The following SEMA6D variants were observed in gnomAD, a reference collection of about 807,000 sequenced individuals.
SEMA6D encodes the protein semaphorin-6D.
Under a neutral mutation model 106.6 loss-of-function variants are expected in SEMA6D, and 35 were observed. The observed-to-expected ratio is 0.33, with a 90% CI of 0.25 to 0.44. The LOEUF is 0.44. Among genes scored for constraint, SEMA6D ranks in the 20% least tolerant of loss-of-function variants. SEMA6D has a pLI of 1.00. For synonymous variants in SEMA6D, 499 were observed against 487.7 expected, an observed-to-expected ratio of 1.02 and a Z score of -0.31; for missense variants, 1,185 against 1,345.9, an observed-to-expected ratio of 0.88 and a Z score of 1.87.
At chr15:47,685,051 A>G (rs1046958751) in intron 4 of SEMA6D, among the ~76,000 whole-genome samples, 2 of 152,068 alleles carry the variant, frequency 1.3e-5, no homozygotes, top group Admixed American at 1.3e-4. Flanking sequence ...AACCTTAAAT[A>G]TAGTATTGAA....
intron 3 of SEMA6D, among the ~76,000 whole-genome samples, chr15:47,565,793 T>C (rs911227543): frequency 1.3e-5 from 2 of 152,216 alleles, no homozygotes; most frequent in Non-Finnish European, 2.9e-5. Context: ...ATGCAAAATA[T>C]GTTTTATTCA....
chr15:47,396,243 C>A (rs143344654), intron 1 of SEMA6D: 88 of 152,094 alleles, frequency 5.8e-4, no homozygotes, highest in African/African-American at 1.9e-3. Context: ...GCTGCTCAAG[C>A]TGACTAAGTT....
chr15:47,407,941 G>T (rs1008745264), intron 1 of SEMA6D, among the ~76,000 whole-genome samples: 7 of 152,144 alleles, frequency 4.6e-5, no homozygotes, highest in African/African-American at 1.7e-4. Flanking sequence ...TGGGGTGGGG[G>T]TGTTGGGAAT....
At chr15:47,229,966 C>A (rs1249205520) in intron 1 of SEMA6D, among the ~76,000 whole-genome samples, 2 of 151,962 alleles carry the variant, frequency 1.3e-5, no homozygotes, top group Admixed American at 6.6e-5. Flanking sequence ...TAGTATAAAC[C>A]TGTTCCAAAT....
At chr15:47,354,207 A>C (rs1196482316) in intron 1 of SEMA6D, among the ~76,000 whole-genome samples, 6,854 of 48,010 alleles carry the variant, frequency 0.14, 396 homozygotes, top group African/African-American at 0.2. Context: ...CTCTATATAT[A>C]TATATATATA....
At chr15:47,219,800 C>T (rs568347807) in intron 1 of SEMA6D, among the ~76,000 whole-genome samples, 11 of 152,292 alleles carry the variant, frequency 7.2e-5, no homozygotes, top group Admixed American at 1.3e-4. Flanking sequence ...ATATAAGCTC[C>T]GGTCAGCTGA....
At chr15:47,572,437 A>G (rs1305942749) in intron 3 of SEMA6D, among the ~76,000 whole-genome samples, 2 of 152,212 alleles carry the variant, frequency 1.3e-5, no homozygotes, top group African/African-American at 4.8e-5. Flanking sequence ...GTTTTGAAAC[A>G]AAGTGTTTTA....
chr15:47,748,414 G>C (rs977224447), intron 1 of SEMA6D, among the ~76,000 whole-genome samples: 2 of 152,222 alleles, frequency 1.3e-5, no homozygotes, highest in African/African-American at 4.8e-5. Context: ...GCAGTAAAGA[G>C]GAAAATGATC....
intron 1 of SEMA6D, among the ~76,000 whole-genome samples, chr15:47,303,329 T>C (rs184550066): frequency 6.6e-6 from 1 of 152,342 alleles, no homozygotes; most frequent in Non-Finnish European, 1.5e-5. Flanking sequence ...ACGACTTGGA[T>C]GCTACATTTC....
chr15:47,663,978 C>T (rs1810424089), intron 4 of SEMA6D, among the ~76,000 whole-genome samples: 2 of 152,150 alleles, frequency 1.3e-5, no homozygotes, highest in Non-Finnish European at 2.9e-5. Context: ...GTTTTACTAC[C>T]AGACTTCATC....
intron 1 of SEMA6D, chr15:47,359,595 A>C (rs1281141507): frequency 6.6e-6 from 1 of 152,184 alleles, no homozygotes; most frequent in Non-Finnish European, 1.5e-5. Flanking sequence ...GATTTCAAGC[A>C]CTGAAAGTTA....
chr15:47,509,240 T>A (rs1333204319), intron 3 of SEMA6D, among the ~76,000 whole-genome samples: 1 of 152,156 alleles, frequency 6.6e-6, no homozygotes, highest in African/African-American at 2.4e-5. Flanking sequence ...TGTGTGTGTG[T>A]GTGATAATAA....
In SEMA6D at chr15:47,323,273, C is replaced by T. The variant is rs80047312; in HGVS notation, c.-238-89120C>T. On this transcript the variant is annotated intron_variant, in intron 1 of 19. Coordinates refer to the SEMA6D transcript ENST00000558014. The stretch of plus-strand genomic sequence containing the variant: ...GCGAGCAGGAGAGCTACAGCTCTTT[C>T]GCTCCTGCATTTTAGCATGTTCCAG... Among the ~76,000 whole-genome samples, 21 of 152,236 alleles carry T rather than the reference C, an allele frequency of 1.4e-4. No individual in the cohort carries two copies. In the East Asian group the frequency reaches 2.5e-3, roughly 18 times the overall value.
intron 1 of SEMA6D, among the ~76,000 whole-genome samples, chr15:47,228,987 A>G (rs1045759590): frequency 6.6e-6 from 1 of 152,068 alleles, no homozygotes; most frequent in Non-Finnish European, 1.5e-5. Flanking sequence ...ACTGAATTTT[A>G]AATGGATGGG....
chr15:47,546,990 C>G (rs1321791384), intron 3 of SEMA6D, among the ~76,000 whole-genome samples: 2 of 152,178 alleles, frequency 1.3e-5, no homozygotes, highest in Middle Eastern at 3.4e-3. Flanking sequence ...CCAGCTTGGC[C>G]TGCATCAGGA....
At chr15:47,641,625 C>T (rs2077490638) in intron 4 of SEMA6D, among the ~76,000 whole-genome samples, 1 of 152,278 alleles carries the variant, frequency 6.6e-6, no homozygotes, top group East Asian at 1.9e-4. Flanking sequence ...CCTGGCTTTA[C>T]CAGCTTAATT....
chr15:47,423,119 T>C, intron 2 of SEMA6D, among the ~76,000 whole-genome samples: 1 of 152,154 alleles, frequency 6.6e-6, no homozygotes, highest in East Asian at 1.9e-4. Flanking sequence ...CTTCTCTGTG[T>C]GCTGTAATGC....
intron 1 of SEMA6D, among the ~76,000 whole-genome samples, chr15:47,336,583 A>G (rs1379748479): frequency 2.0e-5 from 3 of 152,198 alleles, no homozygotes; most frequent in Non-Finnish European, 2.9e-5. Flanking sequence ...GAAACTTGAA[A>G]TACCCACGAT....
intron 4 of SEMA6D, among the ~76,000 whole-genome samples, chr15:47,608,065 G>C (rs1022081537): frequency 6.6e-6 from 1 of 152,112 alleles, no homozygotes; most frequent in African/African-American, 2.4e-5. Flanking sequence ...AAGTTTTCCA[G>C]CTTACATGTA....
Sources: allele counts gnomAD v4.1 joint callset (sites outside exome capture counted in the v4.1 genomes callset), GRCh38; gene constraint gnomAD v4.1.1; transcripts MANE v1.5; gene names NCBI Gene and HGNC (gene_info 2026-07-23, HGNC 2026-07-21).